Variants in ARHGAP44 observed in about 807,000 individuals in gnomAD.
The protein encoded by ARHGAP44 is rho GTPase-activating protein 44.
ARHGAP44 carries 43 observed loss-of-function variants against 106.8 expected under a neutral mutation model. The ratio of observed to expected loss-of-function variants is 0.40; its 90% confidence interval spans 0.32 to 0.52. The LOEUF (loss-of-function observed/expected upper bound fraction) is 0.52, where lower values mean the gene tolerates loss of function less well. ARHGAP44 is among the 20% of genes least tolerant of loss of function. The pLI, the probability that ARHGAP44 is intolerant of heterozygous loss-of-function variation, is 0.48. For missense variants in ARHGAP44, 866 were observed against 1,050.5 expected (o/e 0.82, Z 2.43); for synonymous variants, 439 against 410.3 (o/e 1.07, Z -0.85).
At chr17:12,807,328 G>A (rs1208862778) in intron 1 of ARHGAP44, among the ~76,000 whole-genome samples, 1 of 152,148 alleles carries the variant, frequency 6.6e-6, no homozygotes, top group Non-Finnish European at 1.5e-5. Flanking sequence ...GGGTTTTAAG[G>A]TGATCACCCA....
At position 12,925,434 on chromosome 17, in the gene ARHGAP44, A is replaced by G. The variant is rs117946414; in HGVS notation, c.465-3495A>G. Among the ~76,000 whole-genome samples, 53 of 152,340 alleles carry G rather than the reference A, an allele frequency of 3.5e-4. No individual in the cohort carries two copies. The East Asian group carries it at 0.01, about 29-fold the overall frequency. On this transcript the variant is annotated intron_variant, in intron 6 of 20. Transcript: ENST00000379672. ...GATGCCCATGGCAGAGGAAGGGGCAAGACTAGACAGAAGGAACAGTGAATG... is the reference window on the plus strand; with the variant it reads ...GATGCCCATGGCAGAGGAAGGGGCAGGACTAGACAGAAGGAACAGTGAATG...
At chr17:12,902,922 C>G (rs1481787956) in intron 3 of ARHGAP44, among the ~76,000 whole-genome samples, 1 of 152,044 alleles carries the variant, frequency 6.6e-6, no homozygotes, top group Non-Finnish European at 1.5e-5. Context: ...ATGCTGTTAG[C>G]AGTGGCCCGC....
chr17:12,836,999 A>G (rs1309524637), intron 1 of ARHGAP44, among the ~76,000 whole-genome samples: 8 of 152,234 alleles, frequency 5.3e-5, no homozygotes, highest in Admixed American at 5.2e-4. Flanking sequence ...TCTAGTGCTC[A>G]TAAAACATTC....
chr17:12,847,253 AT>A (rs2035595487), intron 1 of ARHGAP44, among the ~76,000 whole-genome samples: 1 of 152,120 alleles, frequency 6.6e-6, no homozygotes, highest in Admixed American at 6.5e-5. Flanking sequence ...TGGAGGTTAC[AT>A]TGTTTCAAAC....
At chr17:12,888,288 TAC>T (rs1380055054) in intron 1 of ARHGAP44, among the ~76,000 whole-genome samples, 1 of 152,206 alleles carries the variant, frequency 6.6e-6, no homozygotes, top group Non-Finnish European at 1.5e-5. Context: ...CCAACATTTT[TAC>T]ATGTTATGTT....
intron 20 of ARHGAP44, chr17:12,987,247 G>A (rs1367226152): frequency 8.9e-7 from 1 of 1,124,130 alleles, no homozygotes; most frequent in African/African-American, 1.6e-5. Flanking sequence ...ATGTGGCTCA[G>A]ACCATTTGCA....
At position 12,990,150 on chromosome 17, in the gene ARHGAP44, G is replaced by A. The variant is rs140598299; in HGVS notation, c.2436G>A (p.Glu812=). ...SVTDKRDSEE[E]SESTAL ...CTGACAAGAGGGACTCGGAGGAGGA[G>A]TCTGAGAGCACCGCCCTCTGACATG... Residue 812 remains glutamate (E), a synonymous_variant, in exon 21 of 21, where the codon GAG becomes GAA. Transcript: ENST00000379672. 3 of 1,613,208 alleles carry A rather than the reference G, an allele frequency of 1.9e-6. No homozygotes were observed. Among genetic ancestry groups the A allele is most frequent in the East Asian group, 2.2e-5 (1 of 44,830 alleles).
chr17:12,973,104 G>C (rs561657254), intron 16 of ARHGAP44, 198 bp from the exon 17 acceptor site: 60 of 585,566 alleles, frequency 1.0e-4, no homozygotes, highest in Middle Eastern at 2.7e-4. Context: ...TGCATGGTAG[G>C]GTATGACTTA....
rs187721167 is a variant in ARHGAP44 at position 12,915,576 on chromosome 17, C to T, written c.276-324C>T. ...GTATTTGAAGATGATGTTTTTTTAGCGGGCAGATTTTAGCTATCCAATGTT... is the reference window on the plus strand; with the variant it reads ...GTATTTGAAGATGATGTTTTTTTAGTGGGCAGATTTTAGCTATCCAATGTT... On this transcript the variant is annotated intron_variant, in intron 4 of 20. Coordinates refer to ENST00000379672, the MANE Select transcript of ARHGAP44 (RefSeq NM_014859.6). Among the ~76,000 whole-genome samples the T allele has an allele frequency of 9.9e-4, 150 of 152,142 alleles. 2 individuals are homozygous for T. In the East Asian group the frequency reaches 0.021, roughly 22 times the overall value.
At chr17:12,897,335 G>A (rs928164331) in intron 3 of ARHGAP44, among the ~76,000 whole-genome samples, 3 of 150,836 alleles carry the variant, frequency 2.0e-5, no homozygotes, top group African/African-American at 7.3e-5. Flanking sequence ...GCTTATGTTA[G>A]CCTCATTTCT....
intron 2 of ARHGAP44, 85 bp downstream of exon 2, chr17:12,895,064 G>A (rs1316436867): frequency 1.3e-5 from 17 of 1,354,524 alleles, no homozygotes; most frequent in Middle Eastern, 1.8e-4. Flanking sequence ...CCAGGAGGTG[G>A]AGGTTGTAGT....
intron 10 of ARHGAP44, among the ~76,000 whole-genome samples, chr17:12,946,404 G>A (rs1164120517): frequency 1.3e-5 from 2 of 151,898 alleles, no homozygotes; most frequent in Non-Finnish European, 2.9e-5. Context: ...CCAGCAGTTT[G>A]GGAGGCTGAG....
chr17:12,866,287 A>C (rs1424889974), intron 1 of ARHGAP44, among the ~76,000 whole-genome samples: 1 of 152,220 alleles, frequency 6.6e-6, no homozygotes, highest in African/African-American at 2.4e-5. Context: ...GCTGATCCTC[A>C]GAAGGCAACT....
intron 1 of ARHGAP44, among the ~76,000 whole-genome samples, chr17:12,853,546 T>C (rs961187697): frequency 2.6e-5 from 4 of 152,010 alleles, no homozygotes; most frequent in South Asian, 2.1e-4. Context: ...GAAAGGTAAA[T>C]GTGAGGACAG....
chr17:12,837,103 A>G (rs1181594864), intron 1 of ARHGAP44, among the ~76,000 whole-genome samples: 1 of 152,268 alleles, frequency 6.6e-6, no homozygotes, highest in East Asian at 1.9e-4. Context: ...GATCAACTAG[A>G]AATCTGTAAC....
intron 1 of ARHGAP44, among the ~76,000 whole-genome samples, chr17:12,881,065 T>A (rs1339307860): frequency 6.6e-6 from 1 of 151,942 alleles, no homozygotes; most frequent in South Asian, 2.1e-4. Flanking sequence ...TTTAGCTCAT[T>A]TTTTTTAGGG....
At chr17:12,902,725 C>T (rs560408459) in intron 3 of ARHGAP44, among the ~76,000 whole-genome samples, 1 of 152,298 alleles carries the variant, frequency 6.6e-6, no homozygotes, top group African/African-American at 2.4e-5. Flanking sequence ...CCAGTTCTGT[C>T]ACTTCCTAAT....
At position 12,990,037 on chromosome 17, in the gene ARHGAP44, G is replaced by A. The variant is rs774809713; in HGVS notation, c.2323G>A (p.Val775Ile). The A allele has an allele frequency of 3.1e-6, 5 of 1,601,930 alleles. No homozygotes were observed. The highest frequency in any genetic ancestry group is 4.3e-6 in the Non-Finnish European group (5 of 1,169,868). Residue 775 changes from valine to isoleucine, a missense_variant, in exon 21 of 21, where the codon GTC becomes ATC. This residue lies in a region of ARHGAP44 where 418 missense variants were observed against 403.6 expected (regional missense o/e 1.04). Transcript: ENST00000379672. ...CTCTCTCTGCCGCCTTCCAGATCTT[G>A]TCCACTTTGATATTCCCTCGATCCA... ...SPGESMSTDL[V>I]HFDIPSIHIE... is the part of the protein sequence containing the mutation.
At chr17:12,791,421 C>A (rs527573724) in intron 1 of ARHGAP44, among the ~76,000 whole-genome samples, 1 of 152,276 alleles carries the variant, frequency 6.6e-6, no homozygotes, top group South Asian at 2.1e-4. Context: ...TCTTCGTCAC[C>A]CTGCAGGCGG....
Sources: allele counts gnomAD v4.1 joint callset (sites outside exome capture counted in the v4.1 genomes callset), GRCh38; gene constraint gnomAD v4.1.1; regional missense constraint gnomAD v4.1.1; transcripts MANE v1.5; gene names NCBI Gene and HGNC (gene_info 2026-07-23, HGNC 2026-07-21).